The following ABCC9 variants were observed in gnomAD, a reference collection of about 807,000 sequenced individuals.
The protein encoded by ABCC9 is ATP binding cassette subfamily C member 9.
Under a neutral mutation model 188.3 loss-of-function variants are expected in ABCC9, and 95 were observed. That is an observed-to-expected ratio of 0.50 (90% CI 0.43 to 0.60). The LOEUF is 0.60. ABCC9 is among the 20% of genes least tolerant of loss of function. The probability of loss-of-function intolerance (pLI) is 0.00; values close to 1 mark genes in which losing one functional copy is unlikely to be tolerated. For synonymous variants in ABCC9, 659 were observed against 652.7 expected, an observed-to-expected ratio of 1.01 and a Z score of -0.15; for missense variants, 1,102 against 1,876.3, an observed-to-expected ratio of 0.59 and a Z score of 7.62.
chr12:21,829,759 C>T (rs1223698964), intron 30 of ABCC9, among the ~76,000 whole-genome samples: 1 of 152,130 alleles, frequency 6.6e-6, no homozygotes, highest in East Asian at 1.9e-4. Flanking sequence ...TGCAACTGTA[C>T]CGATATTTTG....
chr12:21,813,906 T>C (rs1179614397), intron 35 of ABCC9, among the ~76,000 whole-genome samples: 1 of 151,886 alleles, frequency 6.6e-6, no homozygotes, highest in Admixed American at 6.6e-5. Flanking sequence ...TCATTACAGA[T>C]AATAATAGTA....
chr12:21,809,180 G>T (rs1375911984), intron 37 of ABCC9, among the ~76,000 whole-genome samples: 3 of 152,094 alleles, frequency 2.0e-5, no homozygotes, highest in African/African-American at 7.2e-5. Context: ...CTTTTAATGA[G>T]TTAAAGATAG....
intron 17 of ABCC9, among the ~76,000 whole-genome samples, chr12:21,874,504 C>A (rs1000859810): frequency 5.3e-5 from 8 of 152,184 alleles, no homozygotes; most frequent in African/African-American, 1.9e-4. Context: ...AATCCCACTT[C>A]TGGGTATTTA....
At chr12:21,806,892 G>A (rs1470808159) in intron 38 of ABCC9, among the ~76,000 whole-genome samples, 2 of 152,100 alleles carry the variant, frequency 1.3e-5, no homozygotes, top group Non-Finnish European at 2.9e-5. Context: ...AACACATAGA[G>A]AAGACTGTTA....
intron 17 of ABCC9, among the ~76,000 whole-genome samples, chr12:21,874,549 A>G (rs1331932964): frequency 6.6e-6 from 1 of 152,222 alleles, no homozygotes; most frequent in Non-Finnish European, 1.5e-5. Flanking sequence ...TCAAAGAGAT[A>G]TCTGCTCCCC....
intron 30 of ABCC9, among the ~76,000 whole-genome samples, chr12:21,834,313 G>T (rs76105028): frequency 0.012 from 1,813 of 152,216 alleles, 23 homozygotes; most frequent in Non-Finnish European, 0.02. Flanking sequence ...AGGAAGATGG[G>T]TTCTGCCCTA....
intron 25 of ABCC9, 49 bp from the exon 26 acceptor site, chr12:21,845,881 T>A (rs372277857): frequency 5.9e-5 from 75 of 1,273,310 alleles, no homozygotes; most frequent in Non-Finnish European, 7.8e-5. Flanking sequence ...ACCGGCTAGA[T>A]ATAATTTTTA....
At chr12:21,871,048 A>C (rs541032829) in intron 18 of ABCC9, among the ~76,000 whole-genome samples, 121 of 152,324 alleles carry the variant, frequency 7.9e-4, no homozygotes, top group Non-Finnish European at 1.6e-3. Flanking sequence ...TATGAAAATA[A>C]AATCTCAAGC....
Position 21,887,924 on chromosome 12 carries a change from G to T in ABCC9, c.1813C>A (p.Leu605Met). 1 of 1,612,374 alleles carries T rather than the reference G, an allele frequency of 6.2e-7. No homozygotes were observed. Among genetic ancestry groups the T allele is most frequent in the Non-Finnish European group, 8.5e-7 (1 of 1,178,618 alleles). Reference protein sequence around the residue: ...AVKAIISVQKLNEFLLSDEIG... With the variant: ...AVKAIISVQKMNEFLLSDEIG... ...TCATCACTCAAGAGAAACTCATTCA[G>T]CTTTTGAACACTGCAAAAAACAATA... is the stretch of plus-strand genomic sequence containing the variant. Residue 605 changes from leucine to methionine, a missense_variant, in exon 15 of 40, where the codon CTG becomes ATG. Coordinates refer to ENST00000261200, the MANE Select transcript of ABCC9 (RefSeq NM_020297.4).
intron 12 of ABCC9, among the ~76,000 whole-genome samples, chr12:21,905,630 C>G (rs1948005073): frequency 6.6e-6 from 1 of 151,994 alleles, no homozygotes; most frequent in East Asian, 1.9e-4. Context: ...GCTGCAGCCA[C>G]AAGTGCTACC....
At chr12:21,930,117 A>G (rs1949218952) in intron 4 of ABCC9, among the ~76,000 whole-genome samples, 1 of 151,946 alleles carries the variant, frequency 6.6e-6, no homozygotes. Flanking sequence ...GCTGAGAATG[A>G]TGTTTCCAGC....
At chr12:21,935,251 CTTTTG>C (rs1254950372) in intron 3 of ABCC9, among the ~76,000 whole-genome samples, 2 of 152,130 alleles carry the variant, frequency 1.3e-5, no homozygotes, top group East Asian at 3.9e-4. Context: ...CATTTTTCTA[CTTTTG>C]GCCAAAGGGC....
chr12:21,929,741 A>G (rs1263587892), intron 4 of ABCC9, among the ~76,000 whole-genome samples: 1 of 152,186 alleles, frequency 6.6e-6, no homozygotes, highest in Non-Finnish European at 1.5e-5. Context: ...TGGATTTAGA[A>G]GTAACTAGAA....
intron 16 of ABCC9, among the ~76,000 whole-genome samples, chr12:21,880,533 A>G (rs1356996845): frequency 6.6e-6 from 1 of 152,212 alleles, no homozygotes; most frequent in African/African-American, 2.4e-5. Context: ...GAGGAGAAGG[A>G]CAAACAACCT....
chr12:21,910,074 C>A, intron 10 of ABCC9, 83 bp downstream of exon 10: 4 of 1,342,016 alleles, frequency 3.0e-6, no homozygotes, highest in Non-Finnish European at 4.2e-6. Flanking sequence ...AACTATACAC[C>A]TTTTACAGAG....
Position 21,913,030 on chromosome 12 carries a change from T to A in ABCC9, c.853A>T (p.Ile285Leu), listed in dbSNP as rs370662364. The A allele has an allele frequency of 6.2e-7, 1 of 1,607,070 alleles. No individual in the cohort carries two copies. Among genetic ancestry groups the A allele is most frequent in the Admixed American group, 1.7e-5 (1 of 58,910 alleles). The part of the protein sequence containing the change: ...VADHPNRTPS[I>L]WLAMYRAFGR... ...AAAGCTCTGTACATTGCAAGCCATA[T>A]AGATGGAGTCCGATTTGGATGATCT... Residue 285 changes from isoleucine to leucine, a missense_variant, in exon 8 of 40, where the codon ATA (isoleucine) becomes TTA (leucine). Physicochemically the swap from Ile to Leu is conservative, Grantham distance 5 (BLOSUM62 2). Transcript: ENST00000261200.
rs1308564491 is a variant in ABCC9 at position 21,915,300 on chromosome 12, GTA to G, written c.816+366_816+367del. On this transcript the variant is annotated intron_variant, in intron 7 of 39. Transcript: ENST00000261200. ...TATATATGTGTGTATATATACATGTGTATATATATATAATGTGTATATATGTG... is the reference window on the plus strand; with the variant it reads ...TATATATGTGTGTATATATACATGTGTATATATATAATGTGTATATATGTG... 2.2e-4 allele frequency among the ~76,000 whole-genome samples: 29 copies of G among 132,918 alleles called. 1 individual carries two copies. The highest frequency in any genetic ancestry group is 4.5e-4 in the African/African-American group (16 of 35,268). The allele number at this position is 132,918 out of a possible 152,430, so 87.2% of individuals were successfully genotyped here. A position where few individuals can be genotyped will look rare whatever the true frequency, so the allele number is the denominator to read the frequency against.
chr12:21,817,045 T>G, intron 33 of ABCC9, 142 bp downstream of exon 33: 1 of 891,940 alleles, frequency 1.1e-6, no homozygotes, highest in East Asian at 2.6e-5. Context: ...CCGGTGTACA[T>G]AATCAAGCAA....
intron 27 of ABCC9, 55 bp from the exon 28 acceptor site, chr12:21,844,607 G>T: frequency 6.3e-7 from 1 of 1,575,984 alleles, no homozygotes; most frequent in East Asian, 2.2e-5. Flanking sequence ...TGGAACCTGG[G>T]CATTGCTAAT....
Sources: allele counts gnomAD v4.1 joint callset (sites outside exome capture counted in the v4.1 genomes callset), GRCh38; gene constraint gnomAD v4.1.1; transcripts MANE v1.5; gene names NCBI Gene and HGNC (gene_info 2026-07-23, HGNC 2026-07-21).